A2M: variants seen among roughly 807,000 people sequenced by gnomAD.
A2M encodes the protein C3 and PZP-like alpha-2-macroglobulin domain-containing protein 5.
A neutral mutation model predicts 183.9 loss-of-function variants in A2M; 128 were observed. That is an observed-to-expected ratio of 0.70 (90% CI 0.60 to 0.81). The LOEUF (loss-of-function observed/expected upper bound fraction) is 0.81. Among genes scored for constraint, A2M ranks in the 30% least tolerant of loss-of-function variants. The probability of loss-of-function intolerance (pLI) is 0.00; values close to 1 mark genes in which losing one functional copy is unlikely to be tolerated. For missense variants in A2M, 1,495 were observed against 1,787.6 expected (o/e 0.84, Z 2.95); for synonymous variants, 592 against 670.8 (o/e 0.88, Z 1.81).
At chr12:9,108,497 T>C (rs539718524) in intron 7 of A2M, among the ~76,000 whole-genome samples, 4 of 152,200 alleles carry the variant, frequency 2.6e-5, no homozygotes, top group African/African-American at 4.8e-5. Flanking sequence ...TCCAAGTGCA[T>C]TTGTCTCCTT....
intron 25 of A2M, 64 bp downstream of exon 25, chr12:9,079,180 T>G: frequency 8.2e-7 from 1 of 1,226,564 alleles, no homozygotes; most frequent in South Asian, 1.3e-5. Flanking sequence ...TGAATATAAT[T>G]GAGGTAATAC....
chr12:9,113,393 C>T lies in A2M; in HGVS notation c.237G>A (p.Ala79=), dbSNP rs771681664. 27 of 1,613,466 alleles carry T rather than the reference C, an allele frequency of 1.7e-5. No individual in the cohort carries two copies. The highest frequency in any genetic ancestry group is 6.7e-5 in the African/African-American group (5 of 74,720). The change falls in exon 2 of 36, where the codon GCG becomes GCA. Residue 79 remains alanine (A), a synonymous_variant. Coordinates refer to ENST00000318602, the MANE Select transcript of A2M (RefSeq NM_000014.6). The part of the protein sequence containing the change: ...GNRSLFTDLE[A]ENDVLHCVAF... ...CGACACAGTGGAGTACGTCATTCTC[C>T]GCCTCCAGGTCAGTGAAGAGGCTCC...
intron 22 of A2M, among the ~76,000 whole-genome samples, chr12:9,088,356 G>A (rs1388277535): frequency 6.6e-6 from 1 of 151,834 alleles, no homozygotes; most frequent in African/African-American, 2.4e-5. Flanking sequence ...TTGATGATTA[G>A]CCCTTACACT....
chr12:9,071,642 G>A (rs1203926826), intron 31 of A2M, among the ~76,000 whole-genome samples: 3 of 151,944 alleles, frequency 2.0e-5, no homozygotes, highest in African/African-American at 7.3e-5. Flanking sequence ...TCCTTTTTGT[G>A]TCCATATGTT....
chr12:9,113,607 T>G, intron 1 of A2M, 64 bp from the exon 2 acceptor site: 2 of 1,455,176 alleles, frequency 1.4e-6, no homozygotes, highest in Non-Finnish European at 9.5e-7. Flanking sequence ...TCAACAGCAC[T>G]TTTTTCCATC....
intron 15 of A2M, 91 bp downstream of exon 15, chr12:9,098,516 A>G: frequency 7.2e-7 from 1 of 1,383,008 alleles, no homozygotes; most frequent in Non-Finnish European, 9.6e-7. Flanking sequence ...ATATAATTTT[A>G]ATTGATCTTA....
Position 9,109,921 on chromosome 12 carries a change from C to T in A2M, c.619G>A (p.Val207Ile), listed in dbSNP as rs757228416. 1.9e-6 allele frequency: 3 copies of T among 1,613,722 alleles called. No homozygotes were observed. In the African/African-American group the frequency reaches 4.0e-5, roughly 22 times the overall value. Reference sequence around the variant, plus strand: ...GTCCTTCCACCTGATTTCTTCTGTACCACCACCTTGTAGGAGCCCTGGAAG... The same window carrying T: ...GTCCTTCCACCTGATTTCTTCTGTATCACCACCTTGTAGGAGCCCTGGAAG... ...EPFQGSYKVV[V>I]QKKSGGRTEH... The change falls in exon 6 of 36, where the codon GTA becomes ATA. Residue 207 changes from valine to isoleucine, a missense_variant. Coordinates refer to ENST00000318602, the MANE Select transcript of A2M (RefSeq NM_000014.6).
intron 11 of A2M, among the ~76,000 whole-genome samples, chr12:9,103,559 A>G (rs895056722): frequency 6.6e-6 from 1 of 152,140 alleles, no homozygotes; most frequent in Non-Finnish European, 1.5e-5. Context: ...AATAAGAGGA[A>G]TTCCCCATTT....
chr12:9,090,078 C>G, intron 20 of A2M, 55 bp from the exon 21 acceptor site: 1 of 1,556,294 alleles, frequency 6.4e-7, no homozygotes, highest in Non-Finnish European at 8.7e-7. Context: ...TCCATGCCTC[C>G]AAACTCAAGA....
chr12:9,113,649 GAGA>G (rs1938916432), intron 1 of A2M, 106 bp from the exon 2 acceptor site: 2 of 1,138,978 alleles, frequency 1.8e-6, no homozygotes, highest in Non-Finnish European at 2.5e-6. Context: ...TCTACACCAA[GAGA>G]AGATGTACTG....
intron 7 of A2M, among the ~76,000 whole-genome samples, chr12:9,107,999 C>T (rs1938435935): frequency 6.6e-6 from 1 of 152,090 alleles, no homozygotes. Flanking sequence ...AACCCAAACG[C>T]CCTCAAGTCT....
intron 22 of A2M, 94 bp from the exon 23 acceptor site, chr12:9,080,271 T>A: frequency 1.4e-6 from 1 of 711,466 alleles, no homozygotes; most frequent in East Asian, 3.0e-5. Flanking sequence ...CTATGCCTTA[T>A]ACCTAAACTC....
intron 15 of A2M, among the ~76,000 whole-genome samples, chr12:9,096,500 A>G (rs759127362): frequency 1.3e-5 from 2 of 152,194 alleles, no homozygotes; most frequent in Admixed American, 6.5e-5. Context: ...ACAGGACACG[A>G]TGGCATTTTC....
intron 17 of A2M, among the ~76,000 whole-genome samples, chr12:9,093,978 T>C (rs1183859550): frequency 6.6e-6 from 1 of 151,980 alleles, no homozygotes; most frequent in East Asian, 1.9e-4. Context: ...AAGCAGAGGC[T>C]ATAGAGACTT....
chr12:9,093,602 C>A (rs1176277804), intron 17 of A2M, 23 bp from the exon 18 acceptor site: 1 of 1,346,636 alleles, frequency 7.4e-7, no homozygotes, highest in Non-Finnish European at 1.0e-6. Flanking sequence ...AGGAAGAAGA[C>A]ATTACAATAA....
At chr12:9,069,066 C>T in intron 33 of A2M, 2 of 408,518 alleles carry the variant, frequency 4.9e-6, no homozygotes, top group Non-Finnish European at 8.7e-6. Flanking sequence ...AATGCCAATA[C>T]ATAGCTCTGT....
At position 9,112,223 on chromosome 12, in the gene A2M, A is replaced by G. The variant is rs770777819; in HGVS notation, c.431-12T>C. The G allele has an allele frequency of 1.2e-6, 2 of 1,613,806 alleles. No individual in the cohort carries two copies. The highest frequency in any genetic ancestry group is 1.7e-6 in the Non-Finnish European group (2 of 1,179,768). Reference sequence around the variant, plus strand: ...AACACGAAATTTCACTGAAACAGAAATATTTTTCATGAGCCCCCAAACCCA... The same window carrying G: ...AACACGAAATTTCACTGAAACAGAAGTATTTTTCATGAGCCCCCAAACCCA... On this transcript the variant is annotated splice_polypyrimidine_tract_variant and intron_variant, in intron 3 of 35. Coordinates refer to ENST00000318602, the MANE Select transcript of A2M (RefSeq NM_000014.6).
chr12:9,100,944 TAC>T (rs1937786216), intron 13 of A2M, among the ~76,000 whole-genome samples, 198 bp downstream of exon 13: 1 of 152,132 alleles, frequency 6.6e-6, no homozygotes, highest in East Asian at 1.9e-4. Context: ...GCAAATTGGG[TAC>T]AATGTATACT....
chr12:9,091,198 T>C lies in A2M; in HGVS notation c.2469+3A>G. ...GTATTTAATTTAGGAAAGAGATCCT[T>C]ACCCGGATGCATTTGGGAAGGTAGT... On this transcript the variant is annotated splice_donor_region_variant and intron_variant, in intron 19 of 35. Coordinates refer to ENST00000318602, the MANE Select transcript of A2M (RefSeq NM_000014.6). 3.1e-6 allele frequency: 5 copies of C among 1,613,066 alleles called. No homozygotes were observed. The highest frequency in any genetic ancestry group is 1.1e-5 in the South Asian group (1 of 91,054).
Sources: gnomAD v4.1 joint callset for allele counts (sites outside exome capture counted in the v4.1 genomes callset) on GRCh38, gnomAD v4.1.1 for gene constraint, MANE v1.5 for transcripts, NCBI Gene and HGNC (gene_info 2026-07-23, HGNC 2026-07-21) for gene names.